BCAP31: variants seen among roughly 807,000 people sequenced by gnomAD.
The protein encoded by BCAP31 is B-cell receptor-associated protein 31.
For missense variants in BCAP31, 124 were observed against 193.0 expected (o/e 0.64, Z 2.12); for synonymous variants, 75 against 80.9 (o/e 0.93, Z 0.39).
At chrX:153,714,786 G>T (rs138787222) in intron 4 of BCAP31, among the ~76,000 whole-genome samples, 94 of 110,633 alleles carry the variant, frequency 8.5e-4, no homozygotes, top group Admixed American at 3.5e-3. Flanking sequence ...TAAGAGGTGG[G>T]GTCTTTTGAG....
At chrX:153,709,489 A>G (rs2148375222) in intron 4 of BCAP31, among the ~76,000 whole-genome samples, 1 of 112,334 alleles carries the variant, frequency 8.9e-6, no homozygotes, top group East Asian at 2.8e-4. Context: ...CACAAACCCC[A>G]GCCCAGAGGG....
intron 3 of BCAP31, among the ~76,000 whole-genome samples, chrX:153,719,728 G>A (rs781968686): frequency 9.0e-6 from 1 of 111,639 alleles, no homozygotes; most frequent in South Asian, 3.8e-4. Flanking sequence ...ATACTTTGGA[G>A]CCCAAACAGG....
intron 1 of BCAP31, chrX:153,723,934 A>C: frequency 2.1e-6 from 1 of 481,122 alleles, no homozygotes; most frequent in Non-Finnish European, 3.8e-6. Flanking sequence ...CCAAGCGCAA[A>C]GGCAGGTCTC....
intron 4 of BCAP31, among the ~76,000 whole-genome samples, chrX:153,712,301 A>G (rs1202889534): frequency 8.1e-5 from 9 of 111,083 alleles, no homozygotes; most frequent in African/African-American, 2.6e-4. Flanking sequence ...ACATGCCTAT[A>G]GTCCCAGCTA....
intron 4 of BCAP31, among the ~76,000 whole-genome samples, chrX:153,710,754 T>C (rs1338029310): frequency 1.8e-5 from 2 of 111,625 alleles, no homozygotes; most frequent in Non-Finnish European, 1.9e-5. Context: ...ACCTCCTATG[T>C]GTTCTGAGCC....
chrX:153,717,257 C>A (rs2091635609), intron 3 of BCAP31, among the ~76,000 whole-genome samples: 1 of 112,319 alleles, frequency 8.9e-6, no homozygotes, highest in African/African-American at 3.2e-5. Context: ...ACATATAGAG[C>A]TCCAGTTAAA....
intron 2 of BCAP31, among the ~76,000 whole-genome samples, 175 bp downstream of exon 2, chrX:153,722,978 A>T (rs1557051393): frequency 9.1e-6 from 1 of 110,239 alleles, no homozygotes; most frequent in East Asian, 2.9e-4. Context: ...GACGAAGCAG[A>T]ACCCTGGGAA....
chrX:153,724,320 C>T lies in BCAP31; in HGVS notation c.-45+14G>A, dbSNP rs1447175725. 2.6e-5 allele frequency: 4 copies of T among 156,270 alleles called. No homozygotes were observed. Among genetic ancestry groups the T allele is most frequent in the Non-Finnish European group, 4.9e-5 (4 of 81,630 alleles). The allele number at this position is 156,270 out of a possible 1,213,427, so 12.9% of individuals were successfully genotyped here. A position where few individuals can be genotyped will look rare whatever the true frequency, so the allele number is the denominator to read the frequency against. ...CGGTCCCGGAGCCCAGCCCGGCGCG[C>T]GGAGCCCGCTCACCGAGTTTCCCAC... On this transcript the variant is annotated intron_variant, in intron 1 of 7. Transcript: ENST00000345046.
intron 4 of BCAP31, 145 bp from the exon 5 acceptor site, chrX:153,704,239 C>G: frequency 7.9e-6 from 5 of 634,823 alleles, no homozygotes; most frequent in East Asian, 4.0e-5. Flanking sequence ...AAGCCGCCAA[C>G]CTGGTGCTGG....
intron 4 of BCAP31, among the ~76,000 whole-genome samples, chrX:153,713,297 A>C (rs1332496428): frequency 1.8e-5 from 2 of 111,287 alleles, no homozygotes; most frequent in East Asian, 2.8e-4. Context: ...TTAGGACCAC[A>C]CCTAACTACA....
At chrX:153,713,222 G>A (rs1557049471) in intron 4 of BCAP31, among the ~76,000 whole-genome samples, 1 of 110,714 alleles carries the variant, frequency 9.0e-6, no homozygotes, top group Non-Finnish European at 1.9e-5. Context: ...AAAAGAGTGA[G>A]CCCCCTAAGG....
chrX:153,701,865 C>G (rs1557047399), intron 7 of BCAP31, 142 bp downstream of exon 7: 1 of 521,954 alleles, frequency 1.9e-6, no homozygotes, highest in Non-Finnish European at 3.1e-6. Context: ...GGGTCCCACT[C>G]AGTAGGGCAG....
At position 153,703,026 on chromosome X, in the gene BCAP31, G is replaced by A. The variant is rs1417131237; in HGVS notation, c.510C>T (p.Val170=). 1.7e-5 allele frequency: 21 copies of A among 1,208,352 alleles called. No homozygotes were observed. Among genetic ancestry groups the A allele is most frequent in the African/African-American group, 3.5e-5 (2 of 57,172 alleles). The change falls in exon 6 of 8, where the codon GTC becomes GTT. Residue 170 remains valine, a synonymous_variant. Coordinates refer to ENST00000345046, the MANE Select transcript of BCAP31 (RefSeq NM_001256447.2). Reference sequence around the variant, plus strand: ...CCTCCAACTTCACCTCAGCATTCCCGACATCCAACTTGCCTCCGTCAACAG... The same window carrying A: ...CCTCCAACTTCACCTCAGCATTCCCAACATCCAACTTGCCTCCGTCAACAG... The part of the protein sequence containing the change: ...GAAVDGGKLD[V]GNAEVKLEEE...
At chrX:153,716,425 C>T (rs2091628095) in intron 3 of BCAP31, among the ~76,000 whole-genome samples, 1 of 108,652 alleles carries the variant, frequency 9.2e-6, no homozygotes, top group Admixed American at 9.9e-5. Flanking sequence ...AATGCCTGCT[C>T]CGGGGACCTA....
chrX:153,723,762 G>A, intron 1 of BCAP31: 1 of 1,014,738 alleles, frequency 9.9e-7, no homozygotes, highest in Non-Finnish European at 1.3e-6. Context: ...GCCGCACCTA[G>A]TCCAAGCGCT....
intron 4 of BCAP31, among the ~76,000 whole-genome samples, chrX:153,708,005 A>G (rs1557048555): frequency 8.9e-6 from 1 of 112,980 alleles, no homozygotes; most frequent in African/African-American, 3.2e-5. Flanking sequence ...AGAAAACAGG[A>G]AAGAACCTAA....
chrX:153,713,704 C>T (rs1557049550), intron 4 of BCAP31, among the ~76,000 whole-genome samples: 1 of 109,859 alleles, frequency 9.1e-6, no homozygotes, highest in East Asian at 2.8e-4. Context: ...TTTAGGGATG[C>T]CACTCTTGCC....
chrX:153,720,810 G>A (rs1332805911), intron 3 of BCAP31, 62 bp downstream of exon 3: 1 of 1,084,824 alleles, frequency 9.2e-7, no homozygotes, highest in African/African-American at 1.8e-5. Flanking sequence ...AAGTGGCAAA[G>A]GGTTTTGCAG....
At chrX:153,712,943 C>G (rs2091602483) in intron 4 of BCAP31, among the ~76,000 whole-genome samples, 1 of 111,791 alleles carries the variant, frequency 8.9e-6, no homozygotes, top group Admixed American at 9.5e-5. Flanking sequence ...CGGTGGCTCA[C>G]GCCTGTGATC....
Sources: gnomAD v4.1 joint callset for allele counts (sites outside exome capture counted in the v4.1 genomes callset) on GRCh38, gnomAD v4.1.1 for gene constraint, MANE v1.5 for transcripts, NCBI Gene and HGNC (gene_info 2026-07-23, HGNC 2026-07-21) for gene names.